Variants in IRF8 observed in about 807,000 individuals in gnomAD.
The protein encoded by IRF8 is interferon regulatory factor 8.
Under a neutral mutation model 48.7 loss-of-function variants are expected in IRF8, and 14 were observed. The ratio of observed to expected loss-of-function variants is 0.29; its 90% CI spans 0.19 to 0.45. The LOEUF is 0.45. IRF8 is among the 20% of genes least tolerant of loss of function. The pLI, the probability that IRF8 is intolerant of heterozygous loss-of-function variation, is 1.00. For missense variants in IRF8, 493 were observed against 580.7 expected (o/e 0.85, Z 1.55); for synonymous variants, 278 against 227.3 (o/e 1.22, Z -2.01).
At chr16:85,920,316 G>C (rs1905508178) in intron 8 of IRF8, 92 bp downstream of exon 8, 14 of 840,070 alleles carry the variant, frequency 1.7e-5, no homozygotes, top group Middle Eastern at 3.7e-4. Context: ...GCGTGACCTT[G>C]GCTCACTGCA....
Position 85,920,097 on chromosome 16 carries a change from G to T in IRF8, c.989-12G>T, listed in dbSNP as rs774030983. ...CCTTGCTTGCAAACACCCTCTGCCT[G>T]TGTCATTCCAGAGCTGCAGCAGTTC... On this transcript the variant is annotated splice_polypyrimidine_tract_variant and intron_variant, in intron 7 of 8. Coordinates refer to ENST00000268638, the MANE Select transcript of IRF8 (RefSeq NM_002163.4). The T allele has an allele frequency of 2.5e-6, 4 of 1,603,332 alleles. No homozygotes were observed. In the African/African-American group the frequency reaches 4.0e-5, roughly 16 times the overall value.
chr16:85,918,823 T>G lies in IRF8; in HGVS notation c.988+20T>G. ...TCCGAGGTCTGTACCGTCGTCACCT[T>G]GCTGCCCCCACATCTTAGAGATCAC... On this transcript the variant is annotated intron_variant, in intron 7 of 8. Coordinates refer to ENST00000268638, the MANE Select transcript of IRF8 (RefSeq NM_002163.4). 1 of 1,603,960 alleles carries G rather than the reference T, an allele frequency of 6.2e-7. No individual in the cohort carries two copies. The highest frequency in any genetic ancestry group is 8.5e-7 in the Non-Finnish European group (1 of 1,179,926).
chr16:85,913,504 C>T (rs925871295), intron 5 of IRF8, among the ~76,000 whole-genome samples: 15 of 152,232 alleles, frequency 9.9e-5, no homozygotes, highest in Admixed American at 4.6e-4. Context: ...GCTCTCCCCA[C>T]GCTCCTGGGA....
intron 4 of IRF8, 112 bp downstream of exon 4, chr16:85,911,770 G>A (rs571953407): frequency 1.0e-5 from 9 of 858,356 alleles, no homozygotes; most frequent in South Asian, 5.6e-5. Flanking sequence ...CCTCGGGCTC[G>A]CTGAGGAAGT....
In IRF8 at chr16:85,918,461, G is replaced by A. The variant is rs1467360615; in HGVS notation, c.646G>A (p.Val216Met). The change falls in exon 7 of 9, where the codon GTG becomes ATG. Residue 216 changes from valine (V) to methionine (M), a missense_variant. By Grantham distance (21) the Val-to-Met change is conservative (BLOSUM62 1). Transcript: ENST00000268638. ...CAGCTTCTACTATGGGGGCAAGCTG[G>A]TGGGCCAGGCCACCACCACCTGCCC... The part of the protein sequence containing the change: ...VISFYYGGKL[V>M]GQATTTCPEG... The A allele has an allele frequency of 6.3e-7, 1 of 1,591,888 alleles. No individual in the cohort carries two copies.
intron 6 of IRF8, among the ~76,000 whole-genome samples, chr16:85,916,798 G>A (rs549784180): frequency 6.6e-6 from 1 of 152,246 alleles, no homozygotes; most frequent in African/African-American, 2.4e-5. Flanking sequence ...CAGTGCAGAA[G>A]TTGCAGACTT....
intron 3 of IRF8, among the ~76,000 whole-genome samples, chr16:85,911,362 C>T (rs977917797): frequency 5.9e-5 from 9 of 152,194 alleles, no homozygotes; most frequent in African/African-American, 1.9e-4. Flanking sequence ...CAACCACCAC[C>T]ACCACCACCA....
chr16:85,918,581 G>C lies in IRF8; in HGVS notation c.766G>C (p.Asp256His), dbSNP rs775730870. 15 of 1,605,796 alleles carry C rather than the reference G, an allele frequency of 9.3e-6. No homozygotes were observed. The highest frequency in any genetic ancestry group is 1.2e-5 in the Non-Finnish European group (14 of 1,179,250). Residue 256 changes from aspartate (D) to histidine (H), a missense_variant, in exon 7 of 9, where the codon GAC (aspartate) becomes CAC (histidine). Asp to His is a moderately conservative substitution (Grantham distance 81). Transcript: ENST00000268638. ...GLELVRFPPA[D>H]AIPSERQRQV... is the part of the protein sequence containing the mutation. The stretch of plus-strand genomic sequence containing the variant: ...GGAGCTGGTGCGCTTCCCGCCGGCC[G>C]ACGCCATCCCCAGCGAGCGACAGAG...
At chr16:85,900,450 C>T (rs764225045) in intron 1 of IRF8, among the ~76,000 whole-genome samples, 8 of 152,224 alleles carry the variant, frequency 5.3e-5, no homozygotes, top group Non-Finnish European at 8.8e-5. Context: ...TTTAATAAAT[C>T]ATTATGGATC....
chr16:85,913,089 C>T (rs1433387591), intron 4 of IRF8, 42 bp from the exon 5 acceptor site: 2 of 1,375,542 alleles, frequency 1.5e-6, no homozygotes, highest in Non-Finnish European at 2.1e-6. Flanking sequence ...GGTGGGAGAT[C>T]AGTGACTGAG....
chr16:85,908,959 G>A, intron 2 of IRF8, 31 bp from the exon 3 acceptor site: 1 of 1,597,836 alleles, frequency 6.3e-7, no homozygotes, highest in East Asian at 2.2e-5. Context: ...AGTCGGCCAT[G>A]AATTTAATGT....
At chr16:85,906,585 G>T (rs1287658557) in intron 2 of IRF8, among the ~76,000 whole-genome samples, 5 of 152,360 alleles carry the variant, frequency 3.3e-5, no homozygotes, top group Non-Finnish European at 7.4e-5. Flanking sequence ...CTTGCTCGTG[G>T]GGTGAGTGTG....
chr16:85,914,951 G>T (rs928277038), intron 6 of IRF8, among the ~76,000 whole-genome samples: 2 of 152,222 alleles, frequency 1.3e-5, no homozygotes, highest in African/African-American at 4.8e-5. Flanking sequence ...ACTCTTTGAG[G>T]CTGTAACTGT....
At chr16:85,902,801 C>T (rs1904866666) in intron 1 of IRF8, 1 of 451,874 alleles carries the variant, frequency 2.2e-6, no homozygotes, top group East Asian at 4.7e-5. Context: ...GCAGGTTTCC[C>T]ACGGAGCTTT....
intron 3 of IRF8, among the ~76,000 whole-genome samples, chr16:85,911,329 T>C (rs915116000): frequency 6.6e-6 from 1 of 152,226 alleles, no homozygotes; most frequent in Admixed American, 6.5e-5. Flanking sequence ...GCTGTCTTTA[T>C]CCTTTAAAAG....
intron 2 of IRF8, among the ~76,000 whole-genome samples, chr16:85,905,976 C>T (rs3794663): frequency 3.9e-5 from 6 of 152,100 alleles, no homozygotes; most frequent in Non-Finnish European, 5.9e-5. Flanking sequence ...CATTTTGTAC[C>T]GACCCTGAGT....
chr16:85,905,186 C>T (rs959381942), intron 2 of IRF8, among the ~76,000 whole-genome samples: 5 of 152,214 alleles, frequency 3.3e-5, no homozygotes, highest in African/African-American at 9.6e-5. Flanking sequence ...CCAGGATCAA[C>T]AGACTTAACC....
At chr16:85,920,432 G>A (rs1301623733) in intron 8 of IRF8, among the ~76,000 whole-genome samples, 2 of 152,128 alleles carry the variant, frequency 1.3e-5, no homozygotes, top group Non-Finnish European at 2.9e-5. Flanking sequence ...ATTTTTAGTA[G>A]AGATGGGGTT....
intron 1 of IRF8, chr16:85,901,131 G>A (rs1904814702): frequency 6.6e-6 from 1 of 152,178 alleles, no homozygotes; most frequent in Non-Finnish European, 1.5e-5. Flanking sequence ...CTTTGGTATT[G>A]GTGTTCCATT....
Sources: allele counts gnomAD v4.1 joint callset (sites outside exome capture counted in the v4.1 genomes callset), GRCh38; gene constraint gnomAD v4.1.1; transcripts MANE v1.5; gene names NCBI Gene and HGNC (gene_info 2026-07-23, HGNC 2026-07-21).